The following PRKCH variants were observed in gnomAD, a reference collection of about 807,000 sequenced individuals.
The protein encoded by PRKCH is protein kinase C eta.
In PRKCH, 28 loss-of-function variants were observed where a neutral mutation model predicts 82.5. The ratio of observed to expected loss-of-function variants is 0.34; its 90% CI spans 0.25 to 0.47. The LOEUF (loss-of-function observed/expected upper bound fraction) is 0.47, where lower values mean the gene tolerates loss of function less well. Ranked by LOEUF, PRKCH falls within the 20% of genes least tolerant of loss-of-function variation. The pLI, the probability that PRKCH is intolerant of heterozygous loss-of-function variation, is 1.00. For missense variants in PRKCH, 705 were observed against 881.8 expected (o/e 0.80, Z 2.54); for synonymous variants, 322 against 327.4 (o/e 0.98, Z 0.18).
intron 4 of PRKCH, among the ~76,000 whole-genome samples, chr14:61,446,463 T>C (rs369658553): frequency 6.7e-4 from 102 of 152,340 alleles, no homozygotes; most frequent in African/African-American, 2.1e-3. Context: ...GGATGATTGA[T>C]AAAATAGCAC....
intron 1 of PRKCH, among the ~76,000 whole-genome samples, chr14:61,239,938 C>A (rs2044821546): frequency 6.6e-6 from 1 of 152,228 alleles, no homozygotes; most frequent in Non-Finnish European, 1.5e-5. Flanking sequence ...GCAATAACCA[C>A]ACAATTGTAT....
intron 1 of PRKCH, among the ~76,000 whole-genome samples, chr14:61,236,423 G>T (rs956478168): frequency 1.3e-5 from 2 of 151,702 alleles, no homozygotes; most frequent in African/African-American, 4.8e-5. Flanking sequence ...TAAAGAAGCT[G>T]GCTCCACCGG....
intron 1 of PRKCH, among the ~76,000 whole-genome samples, chr14:61,379,833 C>T (rs975289252): frequency 7.9e-5 from 12 of 152,136 alleles, no homozygotes; most frequent in Non-Finnish European, 1.6e-4. Context: ...AACGTATGCT[C>T]CCTTTCTGGA....
intron 1 of PRKCH, among the ~76,000 whole-genome samples, chr14:61,342,105 A>T (rs910353300): frequency 2.0e-5 from 3 of 152,088 alleles, no homozygotes; most frequent in African/African-American, 7.2e-5. Context: ...TCTGCAGTGT[A>T]ACTGGGCTGT....
chr14:61,463,586 G>A (rs1023278615), intron 9 of PRKCH, among the ~76,000 whole-genome samples: 62 of 151,952 alleles, frequency 4.1e-4, no homozygotes, highest in African/African-American at 1.5e-3. Flanking sequence ...TTGATAACCT[G>A]TACTAAAACT....
intron 2 of PRKCH, among the ~76,000 whole-genome samples, chr14:61,408,394 T>C (rs142219500): frequency 6.6e-6 from 1 of 152,314 alleles, no homozygotes; most frequent in East Asian, 1.9e-4. Flanking sequence ...CCCCAAAAGT[T>C]AATTTCTGGT....
At chr14:61,191,448 G>A (rs1219388877) in intron 1 of PRKCH, among the ~76,000 whole-genome samples, 2 of 152,132 alleles carry the variant, frequency 1.3e-5, no homozygotes, top group African/African-American at 4.8e-5. Flanking sequence ...TGAGGTGGGC[G>A]GATCACTTGA....
chr14:61,280,963 T>G lies in PRKCH; in HGVS notation c.-19+93295T>G, dbSNP rs750257150. 4 of 1,542,588 alleles carry G rather than the reference T, an allele frequency of 2.6e-6. No individual in the cohort carries two copies. Among genetic ancestry groups the G allele is most frequent in the Non-Finnish European group, 3.5e-6 (4 of 1,147,210 alleles). The stretch of plus-strand genomic sequence containing the variant: ...GTCGCCTGTATAGTCGTACTCCAGC[T>G]CCTTGATGCCGTTGGAGGAGTAGTA... On this transcript the variant is annotated intron_variant, in intron 1 of 3. Transcript: ENST00000555185. The surrounding 1 kb of genome is among the most constrained non-coding windows in gnomAD (Gnocchi z 5.0).
At chr14:61,192,700 G>A (rs1390781668) in intron 1 of PRKCH, among the ~76,000 whole-genome samples, 1 of 152,320 alleles carries the variant, frequency 6.6e-6, no homozygotes, top group African/African-American at 2.4e-5. Context: ...ACACTACTGA[G>A]CTTAGCATCT....
chr14:61,371,273 A>C (rs1403720824), intron 1 of PRKCH, among the ~76,000 whole-genome samples: 2 of 152,108 alleles, frequency 1.3e-5, no homozygotes, highest in Non-Finnish European at 2.9e-5. Flanking sequence ...TTAGGTTAGT[A>C]TGCTACATTG....
At chr14:61,321,023 T>C (rs1223409488), upstream of PRKCH, among the ~76,000 whole-genome samples, 2 of 152,198 alleles carry the variant, frequency 1.3e-5, no homozygotes, top group Non-Finnish European at 2.9e-5. This position sits in a 1 kb window ranked among gnomAD's most constrained non-coding sequence, Gnocchi z 4.1. Flanking sequence ...AGGATTTCCA[T>C]CATTACTACT....
chr14:61,483,617 T>C (rs375177343), intron 9 of PRKCH, among the ~76,000 whole-genome samples: 1 of 152,330 alleles, frequency 6.6e-6, no homozygotes, highest in East Asian at 1.9e-4. Context: ...TGCTTCCTTC[T>C]GATAGGGGTC....
chr14:61,197,533 G>A (rs968858882), intron 1 of PRKCH, among the ~76,000 whole-genome samples: 2 of 152,158 alleles, frequency 1.3e-5, no homozygotes, highest in Admixed American at 6.5e-5. Flanking sequence ...GAGTGTGCTA[G>A]CATGTACTCA....
In PRKCH at chr14:61,200,388, A is replaced by AGTGT. The variant is rs34645520; in HGVS notation, c.-19+12739_-19+12742dup. On this transcript the variant is annotated intron_variant, in intron 1 of 3. Coordinates refer to the PRKCH transcript ENST00000555185. Reference sequence around the variant, plus strand: ...ATGCTACTGTTTAAGTGAGTGAGTGAGTGTGTGTGTGTGTGTGTGTGTTTG... The same window carrying AGTGT: ...ATGCTACTGTTTAAGTGAGTGAGTGAGTGTGTGTGTGTGTGTGTGTGTGTGTTTG... 5.7e-3 allele frequency among the ~76,000 whole-genome samples: 810 copies of AGTGT among 142,466 alleles called. 17 individuals are homozygous for AGTGT. In the East Asian group the frequency reaches 0.064, roughly 11 times the overall value. The allele number at this position is 142,466 out of a possible 152,430, so 93.5% of individuals were successfully genotyped here. A position where few individuals can be genotyped will look rare whatever the true frequency, so the allele number is the denominator to read the frequency against.
chr14:61,384,044 T>A (rs2046550565), intron 1 of PRKCH, among the ~76,000 whole-genome samples: 1 of 151,886 alleles, frequency 6.6e-6, no homozygotes, highest in South Asian at 2.1e-4. Flanking sequence ...GGCTGCTTTG[T>A]TTTTGGTGGG....
intron 1 of PRKCH, among the ~76,000 whole-genome samples, chr14:61,211,393 A>G (rs2044579377): frequency 1.3e-5 from 2 of 152,236 alleles, no homozygotes; most frequent in South Asian, 2.1e-4. Context: ...AAGAAGAGAA[A>G]GAAATCCTTA....
chr14:61,396,900 G>C (rs1210063986), intron 2 of PRKCH, among the ~76,000 whole-genome samples: 1 of 152,194 alleles, frequency 6.6e-6, no homozygotes, highest in Non-Finnish European at 1.5e-5. Context: ...CAGCGCCACT[G>C]TTCACTTTCA....
intron 9 of PRKCH, among the ~76,000 whole-genome samples, chr14:61,473,243 G>T (rs962376268): frequency 2.0e-5 from 3 of 152,186 alleles, no homozygotes; most frequent in African/African-American, 7.2e-5. Flanking sequence ...GGGTAGGGGG[G>T]TGGTGATGAA....
chr14:61,485,304 T>C (rs983112419), intron 9 of PRKCH, among the ~76,000 whole-genome samples, 198 bp from the exon 10 acceptor site: 12 of 152,118 alleles, frequency 7.9e-5, no homozygotes, highest in African/African-American at 2.9e-4. Flanking sequence ...CTACAGGAGA[T>C]CCAGGTGCTG....
Sources: gnomAD v4.1 joint callset for allele counts (sites outside exome capture counted in the v4.1 genomes callset) on GRCh38, gnomAD v4.1.1 for gene constraint, Gnocchi (gnomAD v3.1) non-coding constraint, MANE v1.5 for transcripts, NCBI Gene and HGNC (gene_info 2026-07-23, HGNC 2026-07-21) for gene names.